Variants in IL31RA observed in about 807,000 individuals in gnomAD.
IL31RA encodes interleukin 31 receptor A, also known as interleukin-31 receptor subunit alpha.
A neutral mutation model predicts 83.7 loss-of-function variants in IL31RA; 66 were observed. The ratio of observed to expected loss-of-function variants is 0.79; its 90% CI spans 0.65 to 0.97. The LOEUF (loss-of-function observed/expected upper bound fraction) is 0.97, where lower values mean the gene tolerates loss of function less well. Among genes scored for constraint, IL31RA ranks in the 50% least tolerant of loss-of-function variants. IL31RA has a pLI of 0.00. For missense variants in IL31RA, 798 were observed against 919.4 expected (o/e 0.87, Z 1.71); for synonymous variants, 325 against 329.0 (o/e 0.99, Z 0.13).
At chr5:55,879,728 T>C (rs1811309) in intron 4 of IL31RA, among the ~76,000 whole-genome samples, 84,606 of 148,842 alleles carry the variant, frequency 0.57, 24,701 homozygotes, top group African/African-American at 0.69. Flanking sequence ...CCAAGCCCAG[T>C]CCAGTCTTTT....
intron 6 of IL31RA, among the ~76,000 whole-genome samples, chr5:55,891,761 A>ATTTTTTTTTTTTTTTTTTTTT (rs35672011): frequency 3.3e-5 from 2 of 59,994 alleles, no homozygotes; most frequent in Non-Finnish European, 5.8e-5. Context: ...TTTGGACAAG[A>ATTTTTTTTTTTTTTTTTTTTT]TTTTTTTTTT....
chr5:55,851,083 G>A (rs1043184271), upstream of IL31RA, among the ~76,000 whole-genome samples: 1 of 150,514 alleles, frequency 6.6e-6, no homozygotes, highest in African/African-American at 2.4e-5. Context: ...CAACAAGAGC[G>A]AAACTCTGTC....
At chr5:55,840,375 G>A in the IL31RA span, among the ~76,000 whole-genome samples, 1 of 152,212 alleles carries the variant, frequency 6.6e-6, no homozygotes, top group African/African-American at 2.4e-5. Context: ...AGAAGATGGA[G>A]TATCAAGGGG....
intron 6 of IL31RA, among the ~76,000 whole-genome samples, chr5:55,896,037 T>A (rs1020032101): frequency 8.5e-5 from 13 of 152,168 alleles, no homozygotes; most frequent in African/African-American, 2.9e-4. Context: ...TAGAGGACAT[T>A]AGATAGTCAC....
chr5:55,864,348 CACACACACCACACACACT>C (rs1745881324), intron 2 of IL31RA, among the ~76,000 whole-genome samples: 1 of 87,358 alleles, frequency 1.1e-5, no homozygotes, highest in African/African-American at 4.1e-5. Flanking sequence ...ACTACACACA[CACACACACCACACACACT>C]ACACACACAC....
intron 5 of IL31RA, among the ~76,000 whole-genome samples, chr5:55,883,852 T>C (rs911790717): frequency 2.6e-4 from 39 of 152,324 alleles, no homozygotes; most frequent in African/African-American, 9.4e-4. Context: ...GAGGAGCATA[T>C]AAAGGGAATC....
At chr5:55,862,939 C>G (rs190279338) in intron 2 of IL31RA, among the ~76,000 whole-genome samples, 104 of 152,284 alleles carry the variant, frequency 6.8e-4, no homozygotes, top group Admixed American at 1.2e-3. Context: ...TTGTGACAAT[C>G]TTCTGAGGGA....
rs1470798801 is a variant in IL31RA at position 55,921,489 on chromosome 5, TC to T, written c.*4371del. ...AAACATTTATCTTTTCTTACCTTTG[TC>T]CTGTCTCTTTGGGGCTGTTTTCAAA... On this transcript the variant is annotated 3_prime_UTR_variant, in exon 15 of 15. Coordinates refer to ENST00000652347, the MANE Select transcript of IL31RA (RefSeq NM_139017.7). Among the ~76,000 whole-genome samples the T allele has an allele frequency of 6.6e-6, 1 of 152,240 alleles. No homozygotes were observed. The highest frequency in any genetic ancestry group is 1.5e-5 in the Non-Finnish European group (1 of 68,048).
Position 55,867,254 on chromosome 5 carries a change from CGTGTGTTTGTGT to C in IL31RA, c.155-1535_155-1524del, listed in dbSNP as rs1746203939. 1.2e-4 allele frequency among the ~76,000 whole-genome samples: 3 copies of C among 24,980 alleles called. 1 individual carries two copies. The highest frequency in any genetic ancestry group is 2.4e-4 in the African/African-American group (3 of 12,574). 16.4% of individuals were successfully genotyped at this position (24,980 alleles called of 152,430 possible). The stretch of plus-strand genomic sequence containing the variant: ...GTGTTTGTGTGTGTGTTTGTGTGTG[CGTGTGTTTGTGT>C]GCGTGTGTGTGCATGTGTGTGTGCA... On this transcript the variant is annotated intron_variant, in intron 2 of 14. Coordinates refer to ENST00000652347, the MANE Select transcript of IL31RA (RefSeq NM_139017.7).
intron 4 of IL31RA, among the ~76,000 whole-genome samples, chr5:55,875,531 CT>C (rs145951385): frequency 9.9e-5 from 15 of 151,420 alleles, no homozygotes; most frequent in Non-Finnish European, 1.5e-4. Flanking sequence ...CTTTATAAAA[CT>C]TTTTTTTTAA....
Position 55,917,811 on chromosome 5 carries a change from G to A in IL31RA, c.*691G>A, listed in dbSNP as rs1336909041. ...GGGCCCTGGGGAATGTATGCTGCCG[G>A]GCGCAGCTCTGTCCAGTCTCCAGGG... On this transcript the variant is annotated 3_prime_UTR_variant, in exon 15 of 15. Transcript: ENST00000652347. Among the ~76,000 whole-genome samples the A allele has an allele frequency of 6.6e-6, 1 of 152,176 alleles. No homozygotes were observed. The highest frequency in any genetic ancestry group is 2.4e-5 in the African/African-American group (1 of 41,446).
intron 11 of IL31RA, chr5:55,908,813 C>T: frequency 7.2e-7 from 1 of 1,398,502 alleles, no homozygotes. Context: ...TTTCAGTCCA[C>T]CTTATCTCCT....
intron 1 of IL31RA, chr5:55,853,659 G>A: frequency 7.5e-7 from 1 of 1,325,494 alleles, no homozygotes; most frequent in Middle Eastern, 1.9e-4. Context: ...GAAATTATGG[G>A]TCAGACCCAC....
chr5:55,867,291 A>G lies in IL31RA; in HGVS notation c.155-1500A>G, dbSNP rs572257670. 6.9e-3 allele frequency among the ~76,000 whole-genome samples: 158 copies of G among 22,940 alleles called. 2 individuals are homozygous for G. In the Middle Eastern group the frequency reaches 0.094, roughly 14 times the overall value. The allele number at this position is 22,940 out of a possible 152,430, so 15.0% of individuals were successfully genotyped here. On this transcript the variant is annotated intron_variant, in intron 2 of 14. Transcript: ENST00000652347. ...TGCGTGTGTGTGCATGTGTGTGTGC[A>G]TGTGTGTGTGTGCGTGTGTGTGTGT...
intron 1 of IL31RA, among the ~76,000 whole-genome samples, chr5:55,857,468 G>A (rs529369194): frequency 1.3e-5 from 2 of 152,336 alleles, no homozygotes; most frequent in African/African-American, 2.4e-5. Context: ...GAAAGGCTGT[G>A]GAGGACAAGC....
Position 55,917,711 on chromosome 5 carries a change from G to A in IL31RA, c.*591G>A, listed in dbSNP as rs1292286141. On this transcript the variant is annotated 3_prime_UTR_variant, in exon 15 of 15. Transcript: ENST00000652347. ...ACATCCTCTTAGATCTCAAGTGCCT[G>A]TAGCAACACCGCACCTGAGAATCCT... is the stretch of plus-strand genomic sequence containing the variant. Among the ~76,000 whole-genome samples the A allele has an allele frequency of 1.3e-5, 2 of 152,166 alleles. No homozygotes were observed. Among genetic ancestry groups the A allele is most frequent in the African/African-American group, 2.4e-5 (1 of 41,428 alleles).
chr5:55,877,742 T>C lies in IL31RA; in HGVS notation c.454+5291T>C, dbSNP rs900179915. On this transcript the variant is annotated intron_variant, in intron 4 of 14. Transcript: ENST00000652347. ...TTGTATGTGATGAGTTGTATCTCTCTTGCTGCTTCCAAGATACTGTCTTTG... is the reference window on the plus strand; with the variant it reads ...TTGTATGTGATGAGTTGTATCTCTCCTGCTGCTTCCAAGATACTGTCTTTG... 2.6e-5 allele frequency among the ~76,000 whole-genome samples: 4 copies of C among 152,210 alleles called. No homozygotes were observed. In the East Asian group the frequency reaches 7.7e-4, roughly 29 times the overall value.
the IL31RA span, among the ~76,000 whole-genome samples, chr5:55,841,467 G>A: frequency 1.3e-5 from 2 of 152,168 alleles, no homozygotes; most frequent in South Asian, 2.1e-4. Flanking sequence ...TGATATAATA[G>A]GCAATGTCAT....
At chr5:55,862,242 G>C (rs1284660086) in intron 2 of IL31RA, among the ~76,000 whole-genome samples, 1 of 152,120 alleles carries the variant, frequency 6.6e-6, no homozygotes, top group Non-Finnish European at 1.5e-5. Context: ...AGCATAGAGA[G>C]TTCCTTTCTA....
Sources: gnomAD v4.1 joint callset for allele counts (sites outside exome capture counted in the v4.1 genomes callset) on GRCh38, gnomAD v4.1.1 for gene constraint, MANE v1.5 for transcripts, NCBI Gene and HGNC (gene_info 2026-07-23, HGNC 2026-07-21) for gene names.